The following HYCC1 variants were observed in gnomAD, a reference collection of about 807,000 sequenced individuals.
HYCC1 encodes the protein hyccin.
the HYCC1 span, among the ~76,000 whole-genome samples, chr7:22,898,083 G>C: frequency 6.6e-6 from 1 of 152,032 alleles, no homozygotes; most frequent in African/African-American, 2.4e-5. Context: ...GTCTTGCTTT[G>C]TTACCCAGGC....
the HYCC1 span, among the ~76,000 whole-genome samples, chr7:22,910,158 C>T: frequency 6.6e-6 from 1 of 152,204 alleles, no homozygotes; most frequent in African/African-American, 2.4e-5. Context: ...CTCCAAATCT[C>T]ATGTTGAAAT....
the HYCC1 span, among the ~76,000 whole-genome samples, chr7:22,901,084 G>A: frequency 6.6e-6 from 1 of 151,710 alleles, no homozygotes; most frequent in African/African-American, 2.4e-5. Flanking sequence ...ACCCAGGTGT[G>A]GTGGTTTGTG....
chr7:22,931,255 G>GAAA, the HYCC1 span, among the ~76,000 whole-genome samples: 4 of 103,814 alleles, frequency 3.9e-5, no homozygotes, highest in African/African-American at 7.0e-5. Context: ...CAAAAAAAAA[G>GAAA]AAAAAAAAAA....
At chr7:22,958,872 T>C in the HYCC1 span, among the ~76,000 whole-genome samples, 2 of 152,084 alleles carry the variant, frequency 1.3e-5, no homozygotes, top group Non-Finnish European at 2.9e-5. Flanking sequence ...GAAAAGAAAT[T>C]AAAATTCATT....
the HYCC1 span, among the ~76,000 whole-genome samples, chr7:22,948,871 C>G: frequency 6.6e-6 from 1 of 151,990 alleles, no homozygotes; most frequent in Admixed American, 6.6e-5. Context: ...AACCTCCAAC[C>G]AAGCCTGTTT....
the HYCC1 span, among the ~76,000 whole-genome samples, chr7:22,969,433 T>G: frequency 6.6e-6 from 1 of 151,516 alleles, no homozygotes; most frequent in Non-Finnish European, 1.5e-5. Flanking sequence ...CTCAAAGTGC[T>G]GGGATTACAG....
chr7:22,926,961 A>G, the HYCC1 span, among the ~76,000 whole-genome samples: 3 of 152,296 alleles, frequency 2.0e-5, no homozygotes, highest in Admixed American at 2.0e-4. Flanking sequence ...AATGTAAAAG[A>G]ACAGAAATTA....
the HYCC1 span, among the ~76,000 whole-genome samples, chr7:22,968,698 C>T: frequency 5.3e-3 from 804 of 152,088 alleles, 10 homozygotes; most frequent in African/African-American, 0.019. Flanking sequence ...TAAAAGCAGA[C>T]AATGTAAGGG....
At chr7:22,960,519 G>A in the HYCC1 span, 1 of 910,356 alleles carries the variant, frequency 1.1e-6, no homozygotes. Context: ...ATACAAAGAG[G>A]CTCTTCCCAA....
At chr7:22,898,659 G>A in the HYCC1 span, among the ~76,000 whole-genome samples, 1 of 146,302 alleles carries the variant, frequency 6.8e-6, no homozygotes, top group South Asian at 2.2e-4. Context: ...CTGGAGTACA[G>A]TGGCATGATC....
chr7:22,985,820 T>C, the HYCC1 span: 1 of 148,690 alleles, frequency 6.7e-6, no homozygotes, highest in Admixed American at 6.7e-5. Context: ...CTAAATTATA[T>C]ATATAATTTA....
At chr7:23,002,054 G>A in the HYCC1 span, among the ~76,000 whole-genome samples, 2 of 148,374 alleles carry the variant, frequency 1.3e-5, no homozygotes, top group Admixed American at 1.4e-4. Context: ...GCATCTCAAA[G>A]CACTATAAAA....
the HYCC1 span, among the ~76,000 whole-genome samples, chr7:23,005,547 T>C: frequency 2.5e-3 from 381 of 152,340 alleles, 4 homozygotes; most frequent in African/African-American, 8.8e-3. Flanking sequence ...CTTCACTGAT[T>C]AACTTTCTGA....
At chr7:22,902,412 A>G in the HYCC1 span, among the ~76,000 whole-genome samples, 1 of 152,166 alleles carries the variant, frequency 6.6e-6, no homozygotes, top group Admixed American at 6.5e-5. Context: ...TAATTACAAC[A>G]AAAGTCAGAA....
the HYCC1 span, among the ~76,000 whole-genome samples, chr7:22,963,650 C>T: frequency 6.6e-6 from 1 of 152,200 alleles, no homozygotes; most frequent in African/African-American, 2.4e-5. Context: ...GTGGGCCGTA[C>T]AGTCTCACCT....
At chr7:23,013,747 C>T in the HYCC1 span, among the ~76,000 whole-genome samples, 7 of 151,848 alleles carry the variant, frequency 4.6e-5, no homozygotes, top group Non-Finnish European at 1.0e-4. Context: ...CGCGCCGCCT[C>T]GCACCCACCC....
At chr7:22,947,487 C>T in the HYCC1 span, among the ~76,000 whole-genome samples, 1 of 152,014 alleles carries the variant, frequency 6.6e-6, no homozygotes, top group African/African-American at 2.4e-5. Context: ...TCACGTTCTG[C>T]ATTTTTTCAC....
the HYCC1 span, among the ~76,000 whole-genome samples, chr7:22,972,145 C>T: frequency 1.3e-5 from 2 of 152,038 alleles, no homozygotes; most frequent in Non-Finnish European, 2.9e-5. Context: ...TGATGGGGTA[C>T]AATAATATGC....
At chr7:22,920,938 C>A in the HYCC1 span, among the ~76,000 whole-genome samples, 2 of 152,030 alleles carry the variant, frequency 1.3e-5, no homozygotes, top group African/African-American at 4.8e-5. Flanking sequence ...AGCATATGCA[C>A]CTCCCCACCC....
Sources: allele counts gnomAD v4.1 joint callset (sites outside exome capture counted in the v4.1 genomes callset), GRCh38; gene constraint gnomAD v4.1.1; transcripts MANE v1.5; gene names NCBI Gene and HGNC (gene_info 2026-07-23, HGNC 2026-07-21).